Variants in MYCBP2 observed in about 807,000 individuals in gnomAD.
The protein encoded by MYCBP2 is E3 ubiquitin-protein ligase MYCBP2.
In MYCBP2, 120 loss-of-function variants were observed where a neutral mutation model predicts 525.3. That is an observed-to-expected ratio of 0.23 (90% CI 0.20 to 0.27). MYCBP2 has a LOEUF of 0.27. Among genes scored for constraint, MYCBP2 ranks in the 10% least tolerant of loss-of-function variants. The pLI, the probability that MYCBP2 is intolerant of heterozygous loss-of-function variation, is 1.00. For missense variants in MYCBP2, 4,149 were observed against 5,657.1 expected (o/e 0.73, Z 8.55); for synonymous variants, 1,894 against 1,955.8 (o/e 0.97, Z 0.83).
intron 20 of MYCBP2, among the ~76,000 whole-genome samples, chr13:77,220,153 C>T (rs2065348533): frequency 2.6e-5 from 4 of 151,656 alleles, no homozygotes; most frequent in Admixed American, 2.6e-4. Flanking sequence ...AGCACCACGA[C>T]CAAGAGAGTG....
intron 75 of MYCBP2, 77 bp downstream of exon 75, chr13:77,061,585 C>G: frequency 6.6e-7 from 1 of 1,521,508 alleles, no homozygotes; most frequent in Middle Eastern, 2.3e-4. Flanking sequence ...TTTCCCCCTA[C>G]TACACAAAGC....
chr13:77,161,419 TC>T (rs887554806), intron 44 of MYCBP2, among the ~76,000 whole-genome samples: 1 of 152,090 alleles, frequency 6.6e-6, no homozygotes, highest in African/African-American at 2.4e-5. Context: ...AAATGATGGC[TC>T]CCAATTGTCT....
chr13:77,076,710 T>G (rs1451338073), intron 68 of MYCBP2, 41 bp downstream of exon 68: 1 of 1,254,724 alleles, frequency 8.0e-7, no homozygotes, highest in Non-Finnish European at 1.1e-6. Flanking sequence ...AAAAAAAGAA[T>G]AAAAAAGGGA....
intron 2 of MYCBP2, among the ~76,000 whole-genome samples, chr13:77,295,912 T>A (rs1179428273): frequency 6.6e-6 from 1 of 152,080 alleles, no homozygotes; most frequent in Non-Finnish European, 1.5e-5. Flanking sequence ...ACACCAAGTT[T>A]CCCTAATTCC....
intron 62 of MYCBP2, among the ~76,000 whole-genome samples, chr13:77,084,930 C>T (rs929335588): frequency 6.6e-6 from 1 of 151,972 alleles, no homozygotes; most frequent in Non-Finnish European, 1.5e-5. Flanking sequence ...AACTGACGTA[C>T]TCTGCTTGGG....
chr13:77,197,868 T>A (rs1291277481), intron 26 of MYCBP2, among the ~76,000 whole-genome samples: 2 of 152,200 alleles, frequency 1.3e-5, no homozygotes, highest in East Asian at 3.9e-4. Flanking sequence ...GCAAGATCAT[T>A]TCCAGACAAT....
chr13:77,255,977 T>C (rs1375310676), intron 14 of MYCBP2, among the ~76,000 whole-genome samples: 3 of 152,016 alleles, frequency 2.0e-5, no homozygotes, highest in Non-Finnish European at 4.4e-5. Context: ...AGCAGCTAGA[T>C]ATAAAAATTG....
intron 13 of MYCBP2, among the ~76,000 whole-genome samples, chr13:77,259,706 T>A (rs1354339208): frequency 6.6e-6 from 1 of 152,214 alleles, no homozygotes; most frequent in South Asian, 2.1e-4. Context: ...ATATTTCTAA[T>A]CATAAACTTC....
chr13:77,169,780 G>T, intron 38 of MYCBP2, 66 bp from the exon 39 acceptor site: 1 of 1,300,108 alleles, frequency 7.7e-7, no homozygotes, highest in Non-Finnish European at 1.1e-6. Context: ...CTGCATACAT[G>T]CTGTACTAAA....
chr13:77,234,754 TTC>T (rs1169337863), intron 17 of MYCBP2, among the ~76,000 whole-genome samples: 1 of 152,004 alleles, frequency 6.6e-6, no homozygotes, highest in Non-Finnish European at 1.5e-5. Context: ...CATGCATGAT[TTC>T]TCAATTGTTA....
intron 38 of MYCBP2, among the ~76,000 whole-genome samples, chr13:77,170,385 C>T (rs1206989141): frequency 6.6e-6 from 1 of 152,170 alleles, no homozygotes; most frequent in Admixed American, 6.5e-5. Flanking sequence ...CAATTATTCT[C>T]CCAAATACTG....
At chr13:77,125,615 G>A (rs1391126915) in intron 53 of MYCBP2, 147 bp from the exon 54 acceptor site, 1 of 836,296 alleles carries the variant, frequency 1.2e-6, no homozygotes, top group Non-Finnish European at 1.8e-6. Flanking sequence ...TAAGGCCACA[G>A]CCTGAGGTAA....
At chr13:77,078,463 C>A (rs2042712286) in intron 66 of MYCBP2, among the ~76,000 whole-genome samples, 1 of 152,138 alleles carries the variant, frequency 6.6e-6, no homozygotes, top group Non-Finnish European at 1.5e-5. Context: ...TTTTTCAGGC[C>A]AGAGGACAAT....
At chr13:77,157,755 A>G (rs2057387565) in intron 45 of MYCBP2, among the ~76,000 whole-genome samples, 182 bp downstream of exon 45, 1 of 151,766 alleles carries the variant, frequency 6.6e-6, no homozygotes, top group African/African-American at 2.4e-5. Flanking sequence ...CTCTCTCAAA[A>G]ACAAACAAAC....
intron 5 of MYCBP2, among the ~76,000 whole-genome samples, chr13:77,271,068 T>C (rs1180946226): frequency 1.3e-5 from 2 of 152,170 alleles, no homozygotes; most frequent in Non-Finnish European, 2.9e-5. Flanking sequence ...CTGACTACTT[T>C]TTATATTCTC....
intron 79 of MYCBP2, 86 bp from the exon 80 acceptor site, chr13:77,055,853 T>C: frequency 1.1e-6 from 1 of 899,008 alleles, no homozygotes; most frequent in Non-Finnish European, 1.7e-6. Context: ...TGCCAAGCAT[T>C]GTGCTAGAAG....
In MYCBP2 at chr13:77,224,622, T is replaced by C. The variant is rs190812078; in HGVS notation, c.2858-90A>G. 3.9e-5 allele frequency: 29 copies of C among 739,854 alleles called. No homozygotes were observed. In the Admixed American group the frequency reaches 5.8e-4, roughly 15 times the overall value. The allele number at this position is 739,854 out of a possible 1,614,324, so 45.8% of individuals were successfully genotyped here. On this transcript the variant is annotated intron_variant, in intron 19 of 82. Coordinates refer to ENST00000544440, the MANE Select transcript of MYCBP2 (RefSeq NM_015057.5). ...ACTAAAAGCAGTGTAATTTTCACTA[T>C]TTAAGATTTATAGAACCATTAAAAA... is the stretch of plus-strand genomic sequence containing the variant.
At chr13:77,323,651 C>T (rs545921038) in intron 1 of MYCBP2, among the ~76,000 whole-genome samples, 4 of 152,312 alleles carry the variant, frequency 2.6e-5, no homozygotes, top group South Asian at 4.1e-4. Flanking sequence ...TTTTCCAAGA[C>T]GGCAGAGACT....
At chr13:77,110,362 CG>C (rs1300966577) in intron 55 of MYCBP2, among the ~76,000 whole-genome samples, 1 of 151,928 alleles carries the variant, frequency 6.6e-6, no homozygotes, top group African/African-American at 2.4e-5. Flanking sequence ...GCTCAGAAGG[CG>C]GGGAAAAAAC....
Sources: allele counts gnomAD v4.1 joint callset (sites outside exome capture counted in the v4.1 genomes callset), GRCh38; gene constraint gnomAD v4.1.1; transcripts MANE v1.5; gene names NCBI Gene and HGNC (gene_info 2026-07-23, HGNC 2026-07-21).